TENM2: variants seen among roughly 807,000 people sequenced by gnomAD.
The protein encoded by TENM2 is teneurin transmembrane protein 2, also known as teneurin-2.
TENM2 carries 52 observed loss-of-function variants against 245.2 expected under a neutral mutation model. That is an observed-to-expected ratio of 0.21 (90% confidence interval 0.17 to 0.27). The LOEUF is 0.27. Ranked by LOEUF, TENM2 falls within the 10% of genes least tolerant of loss-of-function variation. The pLI, the probability that TENM2 is intolerant of heterozygous loss-of-function variation, is 1.00. For synonymous variants in TENM2, 1,363 were observed against 1,438.9 expected (o/e 0.95, Z 1.19); for missense variants, 3,046 against 3,666.8 (o/e 0.83, Z 4.37).
intron 1 of TENM2, among the ~76,000 whole-genome samples, chr5:167,329,551 CAAAAAAAA>C (rs34165505): frequency 3.2e-4 from 7 of 21,936 alleles, no homozygotes; most frequent in East Asian, 1.3e-3. Flanking sequence ...GACTCAGTCT[CAAAAAAAA>C]AAAAAAAAAA....
the TENM2 span, among the ~76,000 whole-genome samples, chr5:167,012,209 A>G: frequency 2.6e-5 from 4 of 152,172 alleles, no homozygotes; most frequent in Non-Finnish European, 5.9e-5. Context: ...ATAACTTCCA[A>G]GTATGCCCTT....
chr5:168,144,138 C>T (rs1056831430), intron 12 of TENM2, among the ~76,000 whole-genome samples: 9 of 151,818 alleles, frequency 5.9e-5, no homozygotes, highest in Admixed American at 2.0e-4. Context: ...GGATTACAGG[C>T]GCGAGCCACT....
chr5:167,713,165 A>G (rs1401825251), intron 2 of TENM2, among the ~76,000 whole-genome samples: 1 of 151,980 alleles, frequency 6.6e-6, no homozygotes, highest in Non-Finnish European at 1.5e-5. Flanking sequence ...GCCAGTTCAT[A>G]ATCTATGTTT....
intron 5 of TENM2, among the ~76,000 whole-genome samples, chr5:168,040,449 T>A (rs1400555137): frequency 6.6e-5 from 10 of 152,150 alleles, no homozygotes; most frequent in Non-Finnish European, 1.3e-4. Context: ...CAGAACATTC[T>A]CGGGAGATAG....
chr5:167,503,916 A>T (rs1769375080), intron 2 of TENM2, among the ~76,000 whole-genome samples: 1 of 152,178 alleles, frequency 6.6e-6, no homozygotes, highest in African/African-American at 2.4e-5. Flanking sequence ...AAATAAATTT[A>T]AAAATAAAAG....
At chr5:167,451,777 T>C (rs1434864101) in intron 2 of TENM2, among the ~76,000 whole-genome samples, 4 of 152,120 alleles carry the variant, frequency 2.6e-5, no homozygotes, top group Non-Finnish European at 5.9e-5. Flanking sequence ...GCCTCCCAAG[T>C]AGCTGGGACT....
intron 2 of TENM2, among the ~76,000 whole-genome samples, chr5:167,807,640 GAGAC>G (rs1561803998): frequency 2.6e-5 from 3 of 116,226 alleles, no homozygotes; most frequent in Admixed American, 8.6e-5. Context: ...AAAAAAAAAA[GAGAC>G]AGAACCTCTT....
intron 2 of TENM2, among the ~76,000 whole-genome samples, chr5:167,872,548 G>GAAAGAAAGAAAGAAAGAAAGAA (rs1313191288): frequency 1.5e-5 from 1 of 65,432 alleles, no homozygotes. Context: ...AAGAAAGAAA[G>GAAAGAAAGAAAGAAAGAAAGAA]AGAAAGAAAG....
At chr5:167,100,422 G>GT in the TENM2 span, among the ~76,000 whole-genome samples, 2 of 152,112 alleles carry the variant, frequency 1.3e-5, no homozygotes, top group Non-Finnish European at 2.9e-5. Flanking sequence ...CAGTTACCAC[G>GT]TGTTTGTTGT....
the TENM2 span, among the ~76,000 whole-genome samples, chr5:167,257,893 A>G: frequency 9.7e-4 from 147 of 152,180 alleles, no homozygotes; most frequent in African/African-American, 3.4e-3. Context: ...CATGAGAATT[A>G]ATTTGGATAT....
At chr5:168,155,104 C>T (rs976749680) in intron 12 of TENM2, among the ~76,000 whole-genome samples, 6 of 152,060 alleles carry the variant, frequency 3.9e-5, no homozygotes, top group African/African-American at 9.7e-5. Flanking sequence ...CTTTGGCAGC[C>T]GGTCTTCCAA....
the TENM2 span, among the ~76,000 whole-genome samples, chr5:167,055,928 A>T: frequency 6.6e-6 from 1 of 151,984 alleles, no homozygotes; most frequent in African/African-American, 2.4e-5. Flanking sequence ...TGCATTAGCT[A>T]GGTTTTCCAG....
At chr5:167,327,687 T>C (rs1454323186) in intron 1 of TENM2, among the ~76,000 whole-genome samples, 1 of 152,174 alleles carries the variant, frequency 6.6e-6, no homozygotes, top group East Asian at 1.9e-4. Flanking sequence ...ATGGGATGGC[T>C]TCTAAGCAGA....
At chr5:167,148,759 T>C in the TENM2 span, among the ~76,000 whole-genome samples, 2 of 152,106 alleles carry the variant, frequency 1.3e-5, no homozygotes, top group African/African-American at 4.8e-5. Flanking sequence ...GAGTTCAAAG[T>C]TTTTCTTTGT....
intron 2 of TENM2, among the ~76,000 whole-genome samples, chr5:167,851,967 T>C (rs926481041): frequency 1.3e-5 from 2 of 152,226 alleles, no homozygotes; most frequent in Admixed American, 6.5e-5. Context: ...TGCCTATGTC[T>C]GTACTATAGA....
chr5:167,839,976 C>A (rs548109793), intron 2 of TENM2, among the ~76,000 whole-genome samples: 1 of 152,296 alleles, frequency 6.6e-6, no homozygotes, highest in Admixed American at 6.5e-5. Flanking sequence ...CGCCACCACG[C>A]CCTGCTAAAT....
chr5:167,873,445 T>A (rs748993594), intron 2 of TENM2, among the ~76,000 whole-genome samples: 23 of 152,192 alleles, frequency 1.5e-4, no homozygotes, highest in Non-Finnish European at 3.2e-4. Flanking sequence ...AAACCCAAGT[T>A]TGAATCCTGG....
At chr5:167,016,210 G>A in the TENM2 span, among the ~76,000 whole-genome samples, 1 of 149,648 alleles carries the variant, frequency 6.7e-6, no homozygotes. Flanking sequence ...GCCGAGATGG[G>A]GCCACTACAT....
intron 2 of TENM2, among the ~76,000 whole-genome samples, chr5:167,629,435 C>T (rs1234859191): frequency 6.6e-6 from 1 of 152,136 alleles, no homozygotes; most frequent in Non-Finnish European, 1.5e-5. Flanking sequence ...TTTATTATGT[C>T]TATAAAACTT....
Sources: allele counts gnomAD v4.1 joint callset (sites outside exome capture counted in the v4.1 genomes callset), GRCh38; gene constraint gnomAD v4.1.1; transcripts MANE v1.5; gene names NCBI Gene and HGNC (gene_info 2026-07-23, HGNC 2026-07-21).